The following KSR1 variants were observed in gnomAD, a reference collection of about 807,000 sequenced individuals.
KSR1 encodes the protein kinase suppressor of ras.
Under a neutral mutation model 92.9 loss-of-function variants are expected in KSR1, and 35 were observed. The ratio of observed to expected loss-of-function variants is 0.38; its 90% CI spans 0.29 to 0.50. The LOEUF (loss-of-function observed/expected upper bound fraction) is 0.50. KSR1 is among the 20% of genes least tolerant of loss of function. KSR1 has a pLI of 0.94. For synonymous variants in KSR1, 467 were observed against 472.6 expected (o/e 0.99, Z 0.15); for missense variants, 972 against 1,158.5 (o/e 0.84, Z 2.34).
intron 2 of KSR1, among the ~76,000 whole-genome samples, chr17:27,563,671 C>T (rs773030636): frequency 2.2e-4 from 34 of 152,246 alleles, no homozygotes; most frequent in Non-Finnish European, 1.2e-4. Flanking sequence ...CCTTCTTCCA[C>T]GTCATCTCCT....
At chr17:27,544,629 C>T (rs758598301) in intron 1 of KSR1, among the ~76,000 whole-genome samples, 4 of 152,224 alleles carry the variant, frequency 2.6e-5, no homozygotes, top group Non-Finnish European at 4.4e-5. Flanking sequence ...ATGTTGGTTC[C>T]AGCCCAGGGC....
chr17:27,494,454 G>A (rs375665283), intron 1 of KSR1, among the ~76,000 whole-genome samples: 3 of 152,236 alleles, frequency 2.0e-5, no homozygotes, highest in South Asian at 4.1e-4. Context: ...GTATTTTTCC[G>A]CTGCATTTAA....
intron 9 of KSR1, 37 bp downstream of exon 9, chr17:27,592,663 C>T: frequency 1.3e-6 from 2 of 1,552,514 alleles, no homozygotes; most frequent in Non-Finnish European, 1.8e-6. Flanking sequence ...GCCCTTCTGC[C>T]ACTGGCCTTC....
At chr17:27,479,992 G>T (rs192654266) in intron 1 of KSR1, among the ~76,000 whole-genome samples, 1 of 152,290 alleles carries the variant, frequency 6.6e-6, no homozygotes, top group African/African-American at 2.4e-5. Flanking sequence ...GGAATTCTTG[G>T]TGACATTCAG....
Position 27,621,938 on chromosome 17 carries a change from C to T in KSR1, c.2708+665C>T. On this transcript the variant is annotated intron_variant, in intron 20 of 20. Coordinates refer to ENST00000644974, the MANE Select transcript of KSR1 (RefSeq NM_001394583.1). ...CTCTTTCCCTCTGTAGGTTGTAGGC[C>T]TGGCTGCCTTGCATGCACCAGGGGC... 1.9e-6 allele frequency: 3 copies of T among 1,613,746 alleles called. No homozygotes were observed. In the South Asian group the frequency reaches 3.3e-5, roughly 18 times the overall value.
At chr17:27,528,220 C>T (rs1217267080) in intron 1 of KSR1, among the ~76,000 whole-genome samples, 1 of 152,056 alleles carries the variant, frequency 6.6e-6, no homozygotes, top group Non-Finnish European at 1.5e-5. Context: ...GTGCGTGCCA[C>T]CATGCCTGGC....
rs1050556302 is a variant in KSR1, at chr17:27,459,808, G to A, written c.231+2934G>A. Among the ~76,000 whole-genome samples the A allele has an allele frequency of 1.1e-4, 16 of 152,248 alleles. No homozygotes were observed. Among genetic ancestry groups the A allele is most frequent in the Admixed American group, 9.2e-4 (14 of 15,290 alleles). ...GATGGGCTGCTGCTGCCTGAAATTG[G>A]GTTGTGATGGGGTGTAGTGGGTCAG... On this transcript the variant is annotated intron_variant, in intron 1 of 20. Transcript: ENST00000644974. This position sits in a 1 kb window ranked among gnomAD's most constrained non-coding sequence, Gnocchi z 4.6.
chr17:27,481,617 G>A (rs968179013), intron 1 of KSR1, among the ~76,000 whole-genome samples: 1 of 152,164 alleles, frequency 6.6e-6, no homozygotes, highest in Non-Finnish European at 1.5e-5. Flanking sequence ...CCAGCATGAT[G>A]AGTGGGGCCA....
At chr17:27,612,237 T>C (rs2073941219) in intron 18 of KSR1, among the ~76,000 whole-genome samples, 1 of 152,216 alleles carries the variant, frequency 6.6e-6, no homozygotes, top group East Asian at 1.9e-4. Context: ...GCACTGGGAA[T>C]ATGCATGCCA....
chr17:27,567,482 C>T (rs2072125930), intron 2 of KSR1, among the ~76,000 whole-genome samples: 1 of 152,110 alleles, frequency 6.6e-6, no homozygotes, highest in African/African-American at 2.4e-5. Context: ...TTGAGGAGTT[C>T]CGCCCATCTG....
chr17:27,468,552 G>A (rs1405999347), intron 1 of KSR1, among the ~76,000 whole-genome samples: 2 of 152,190 alleles, frequency 1.3e-5, no homozygotes, highest in African/African-American at 4.8e-5. Context: ...GAGTGATCTA[G>A]GGTATTTATG....
At chr17:27,569,507 G>A (rs2072222003) in intron 2 of KSR1, among the ~76,000 whole-genome samples, 1 of 152,254 alleles carries the variant, frequency 6.6e-6, no homozygotes, top group African/African-American at 2.4e-5. Context: ...CTATGTGTTT[G>A]GGGGTTGCCA....
chr17:27,618,971 C>T (rs907238834), intron 19 of KSR1, among the ~76,000 whole-genome samples: 2 of 152,222 alleles, frequency 1.3e-5, no homozygotes, highest in Non-Finnish European at 2.9e-5. Flanking sequence ...GCTAGGATTA[C>T]AGGCGTGAGC....
intron 1 of KSR1, among the ~76,000 whole-genome samples, chr17:27,476,798 T>C (rs1019868564): frequency 1.3e-5 from 2 of 152,190 alleles, no homozygotes; most frequent in Non-Finnish European, 2.9e-5. Context: ...CTGGGAATAC[T>C]GTACCCCACC....
At chr17:27,501,495 C>A (rs920817867) in intron 1 of KSR1, among the ~76,000 whole-genome samples, 1 of 151,948 alleles carries the variant, frequency 6.6e-6, no homozygotes, top group African/African-American at 2.4e-5. Context: ...CAGCCTCTCC[C>A]ATCACAGGCC....
intron 5 of KSR1, chr17:27,587,618 C>G (rs547050312): frequency 2.6e-5 from 4 of 152,266 alleles, no homozygotes; most frequent in South Asian, 2.1e-4. Context: ...GGTTCCCGGA[C>G]CCCCGAAGCC....
intron 2 of KSR1, among the ~76,000 whole-genome samples, chr17:27,551,057 A>T (rs770161006): frequency 6.6e-6 from 1 of 152,090 alleles, no homozygotes; most frequent in Non-Finnish European, 1.5e-5. Flanking sequence ...CTTCTCATGA[A>T]CTCCTATAAG....
intron 1 of KSR1, among the ~76,000 whole-genome samples, chr17:27,496,443 C>T (rs569702907): frequency 1.4e-4 from 22 of 152,268 alleles, no homozygotes; most frequent in African/African-American, 5.3e-4. Flanking sequence ...TTTTGTTCAC[C>T]TTGCTGGCTG....
At chr17:27,597,214 GAGGCAGGT>G in intron 9 of KSR1, 46 bp from the exon 10 acceptor site, 1 of 1,535,446 alleles carries the variant, frequency 6.5e-7, no homozygotes. Flanking sequence ...TGGCTGGTGG[GAGGCAGGT>G]GGGGCCAGGA....
Sources: gnomAD v4.1 joint callset for allele counts (sites outside exome capture counted in the v4.1 genomes callset) on GRCh38, gnomAD v4.1.1 for gene constraint, Gnocchi (gnomAD v3.1) non-coding constraint, MANE v1.5 for transcripts, NCBI Gene and HGNC (gene_info 2026-07-23, HGNC 2026-07-21) for gene names.